TRPM3: variants seen among roughly 807,000 people sequenced by gnomAD.
The protein encoded by TRPM3 is transient receptor potential cation channel subfamily M member 3, also known as long transient receptor potential channel 3.
A neutral mutation model predicts 181.2 loss-of-function variants in TRPM3; 77 were observed. That is an observed-to-expected ratio of 0.42 (90% CI 0.35 to 0.51). The LOEUF (loss-of-function observed/expected upper bound fraction) is 0.51. Among genes scored for constraint, TRPM3 ranks in the 20% least tolerant of loss-of-function variants. The pLI is 0.01. For missense variants in TRPM3, 1,759 were observed against 2,196.7 expected, an observed-to-expected ratio of 0.80 and a Z score of 3.98; for synonymous variants, 745 against 796.4, an observed-to-expected ratio of 0.94 and a Z score of 1.09.
intron 25 of TRPM3, among the ~76,000 whole-genome samples, chr9:70,542,687 A>G (rs1162275924): frequency 1.3e-5 from 2 of 152,216 alleles, no homozygotes; most frequent in African/African-American, 4.8e-5. Context: ...AATGTGGTGA[A>G]AGGAAATGTG....
chr9:71,395,734 T>C (rs2093174996), intron 1 of TRPM3, among the ~76,000 whole-genome samples: 1 of 152,242 alleles, frequency 6.6e-6, no homozygotes, highest in Non-Finnish European at 1.5e-5. Context: ...CAAAAGCACT[T>C]ACTAGGTTCA....
chr9:71,288,459 A>G (rs2085494226), intron 1 of TRPM3, among the ~76,000 whole-genome samples: 1 of 152,198 alleles, frequency 6.6e-6, no homozygotes, highest in African/African-American at 2.4e-5. Context: ...AGTATGACAG[A>G]AAGTTCCCTA....
At chr9:71,269,689 T>C (rs1274164767) in intron 1 of TRPM3, among the ~76,000 whole-genome samples, 5 of 152,308 alleles carry the variant, frequency 3.3e-5, no homozygotes, top group South Asian at 4.1e-4. Flanking sequence ...TGACAAATAA[T>C]AGGGAAAACA....
intron 1 of TRPM3, among the ~76,000 whole-genome samples, chr9:70,904,628 G>T (rs189348999): frequency 6.6e-6 from 1 of 152,130 alleles, no homozygotes; most frequent in Non-Finnish European, 1.5e-5. Context: ...TACAGACCCC[G>T]ATGGCCACAA....
intron 1 of TRPM3, among the ~76,000 whole-genome samples, chr9:71,402,773 C>G (rs973036982): frequency 6.6e-6 from 1 of 152,100 alleles, no homozygotes; most frequent in Non-Finnish European, 1.5e-5. Flanking sequence ...GAGGCCATGC[C>G]TTTCCCAGCT....
chr9:70,825,278 T>A (rs544610550), intron 6 of TRPM3: 1 of 152,374 alleles, frequency 6.6e-6, no homozygotes, highest in South Asian at 2.1e-4. Flanking sequence ...CACAAATTCC[T>A]TACCTTGGGC....
chr9:71,255,179 G>A (rs1250464689), intron 1 of TRPM3, among the ~76,000 whole-genome samples: 2 of 152,146 alleles, frequency 1.3e-5, no homozygotes, highest in Admixed American at 6.6e-5. Flanking sequence ...CATTCCCAGT[G>A]CCTCATGTCC....
At chr9:70,794,186 T>G (rs1328158) in intron 6 of TRPM3, among the ~76,000 whole-genome samples, 28,830 of 152,036 alleles carry the variant, frequency 0.19, 3,290 homozygotes, top group East Asian at 0.48. Flanking sequence ...GGGCTTCCTT[T>G]CCAGCATAAC....
At chr9:71,412,437 A>G (rs1277690239) in intron 1 of TRPM3, among the ~76,000 whole-genome samples, 1 of 152,218 alleles carries the variant, frequency 6.6e-6, no homozygotes, top group African/African-American at 2.4e-5. Flanking sequence ...AGAAGTGGGC[A>G]AAGGATATGA....
intron 21 of TRPM3, among the ~76,000 whole-genome samples, chr9:70,596,892 A>G (rs989090823): frequency 4.6e-5 from 7 of 152,022 alleles, no homozygotes; most frequent in African/African-American, 1.7e-4. Flanking sequence ...GCTCCCAGAT[A>G]GCTGGGATCA....
intron 1 of TRPM3, among the ~76,000 whole-genome samples, chr9:71,177,706 C>T (rs1293355468): frequency 6.6e-6 from 1 of 152,042 alleles, no homozygotes; most frequent in African/African-American, 2.4e-5. Flanking sequence ...CTAAAATATA[C>T]TCAACCCAGG....
At chr9:70,674,724 A>ATT (rs67630432) in intron 9 of TRPM3, among the ~76,000 whole-genome samples, 40,949 of 97,628 alleles carry the variant, frequency 0.42, 9,635 homozygotes, top group Admixed American at 0.48. Flanking sequence ...TATTCAGGCT[A>ATT]TTTTTTTTTT....
intron 1 of TRPM3, among the ~76,000 whole-genome samples, chr9:71,032,067 T>A (rs1219227880): frequency 0.82 from 47,145 of 57,326 alleles, 19,503 homozygotes; most frequent in Middle Eastern, 0.92. Context: ...ATTATATATA[T>A]TATATTATAT....
At chr9:70,558,929 A>C (rs1165194527) in intron 22 of TRPM3, among the ~76,000 whole-genome samples, 1 of 152,224 alleles carries the variant, frequency 6.6e-6, no homozygotes, top group Non-Finnish European at 1.5e-5. Flanking sequence ...TGCATTAATA[A>C]GTAGAAATAG....
At chr9:71,305,275 G>A (rs546544063) in intron 1 of TRPM3, among the ~76,000 whole-genome samples, 2 of 152,304 alleles carry the variant, frequency 1.3e-5, no homozygotes, top group East Asian at 3.9e-4. Context: ...GGAAAGCCAA[G>A]AACCAAGATT....
chr9:70,628,987 G>GTCT (rs1015845073), intron 12 of TRPM3, among the ~76,000 whole-genome samples: 1 of 151,934 alleles, frequency 6.6e-6, no homozygotes, highest in Non-Finnish European at 1.5e-5. Flanking sequence ...CTTTCAAGGT[G>GTCT]TCTTTGGGAG....
intron 1 of TRPM3, among the ~76,000 whole-genome samples, chr9:71,115,149 C>T (rs1587374934): frequency 2.0e-5 from 3 of 152,114 alleles, no homozygotes; most frequent in Admixed American, 1.3e-4. Flanking sequence ...ATCTGTTCTT[C>T]CCAGATACCA....
chr9:71,062,111 G>A (rs1197634340), intron 1 of TRPM3, among the ~76,000 whole-genome samples: 1 of 151,938 alleles, frequency 6.6e-6, no homozygotes, highest in East Asian at 1.9e-4. Flanking sequence ...CCACAGCTGG[G>A]TAATAAAAAT....
At chr9:71,178,875 C>T (rs988099989) in intron 1 of TRPM3, among the ~76,000 whole-genome samples, 7 of 152,094 alleles carry the variant, frequency 4.6e-5, no homozygotes, top group African/African-American at 7.2e-5. Flanking sequence ...CTTACTTCAG[C>T]GGAGTTTCTT....
Sources: allele counts gnomAD v4.1 joint callset (sites outside exome capture counted in the v4.1 genomes callset), GRCh38; gene constraint gnomAD v4.1.1; transcripts MANE v1.5; gene names NCBI Gene and HGNC (gene_info 2026-07-23, HGNC 2026-07-21).